The following CORO7 variants were observed in gnomAD, a reference collection of about 807,000 sequenced individuals.
CORO7 encodes the protein coronin-7.
Under a neutral mutation model 126.6 loss-of-function variants are expected in CORO7, and 107 were observed. That is an observed-to-expected ratio of 0.85 (90% CI 0.72 to 0.99). The LOEUF (loss-of-function observed/expected upper bound fraction) is 0.99. CORO7 is among the 50% of genes least tolerant of loss of function. The pLI is 0.00. For synonymous variants in CORO7, 603 were observed against 536.8 expected (o/e 1.12, Z -1.70); for missense variants, 1,314 against 1,255.8 (o/e 1.05, Z -0.70).
chr16:4,372,364 T>G (rs1044957318), intron 9 of CORO7, among the ~76,000 whole-genome samples: 8 of 152,214 alleles, frequency 5.3e-5, no homozygotes, highest in Non-Finnish European at 7.3e-5. Context: ...CAGGCTTGGG[T>G]CACTTTTCCC....
rs754972426 is a variant in CORO7, at chr16:4,381,818, G to A, written c.785+6168C>T. 58 of 1,600,572 alleles carry A rather than the reference G, an allele frequency of 3.6e-5. No individual in the cohort carries two copies. Among genetic ancestry groups the A allele is most frequent in the Middle Eastern group, 1.6e-4 (1 of 6,084 alleles). On this transcript the variant is annotated intron_variant, in intron 9 of 27. Coordinates refer to ENST00000251166, the MANE Select transcript of CORO7 (RefSeq NM_024535.5). Reference sequence around the variant, plus strand: ...CTGAGCTGGTTTGGCCCCTGGGTGCGCGAGAGCCACGTCACACTGGCCAGC... The same window carrying A: ...CTGAGCTGGTTTGGCCCCTGGGTGCACGAGAGCCACGTCACACTGGCCAGC...
chr16:4,400,797 C>CAATAATAATAAT (rs373023916), intron 6 of CORO7, among the ~76,000 whole-genome samples: 21,408 of 139,080 alleles, frequency 0.15, 1,759 homozygotes, highest in Admixed American at 0.17. Context: ...TCCAGCAGTG[C>CAATAATAATAAT]AATAATAATA....
At chr16:4,375,184 C>G (rs1372762015) in intron 9 of CORO7, among the ~76,000 whole-genome samples, 1 of 152,182 alleles carries the variant, frequency 6.6e-6, no homozygotes, top group Admixed American at 6.5e-5. Flanking sequence ...TCTCCCTGCC[C>G]TGGGCTAACA....
intron 6 of CORO7, among the ~76,000 whole-genome samples, chr16:4,396,872 CG>C (rs1360230147): frequency 1.3e-5 from 2 of 151,666 alleles, no homozygotes; most frequent in Non-Finnish European, 2.9e-5. Context: ...AAAAATTAGC[CG>C]GGCATGGTGG....
chr16:4,359,795 T>C (rs1209701825), intron 21 of CORO7, among the ~76,000 whole-genome samples, 174 bp from the exon 22 acceptor site: 1 of 151,682 alleles, frequency 6.6e-6, no homozygotes, highest in Non-Finnish European at 1.5e-5. Context: ...CCCCATTGAC[T>C]CTTTCTCCTC....
intron 9 of CORO7, among the ~76,000 whole-genome samples, chr16:4,377,643 C>T (rs944169266): frequency 9.2e-5 from 14 of 152,210 alleles, no homozygotes; most frequent in African/African-American, 2.7e-4. Flanking sequence ...AGCCTTCCCT[C>T]GCTGGGTTCC....
rs1027885261 is a variant in CORO7, at chr16:4,362,138, A to C, written c.1425T>G (p.His475Gln). The C allele has an allele frequency of 6.2e-7, 1 of 1,607,896 alleles. No homozygotes were observed. Among genetic ancestry groups the C allele is most frequent in the Admixed American group, 1.7e-5 (1 of 58,172 alleles). ...CTCGGTGCAGGACAGTGCCCTGAGCATGGCGGAACTTGGAACTGGGGCCTG... is the reference window on the plus strand; with the variant it reads ...CTCGGTGCAGGACAGTGCCCTGAGCCTGGCGGAACTTGGAACTGGGGCCTG... The part of the protein sequence containing the change: ...SLLGPSSKFR[H>Q]AQGTVLHRDS... Residue 475 changes from histidine to glutamine, a missense_variant, in exon 16 of 28, where the codon CAT becomes CAG. Transcript: ENST00000251166. This position sits in a 1 kb window ranked among gnomAD's most constrained non-coding sequence, Gnocchi z 5.3.
At chr16:4,401,713 G>A (rs1479028067) in intron 6 of CORO7, among the ~76,000 whole-genome samples, 3 of 152,108 alleles carry the variant, frequency 2.0e-5, no homozygotes, top group Non-Finnish European at 4.4e-5. Context: ...GGGGACAGCA[G>A]GAGACAGGCA....
intron 3 of CORO7, 60 bp downstream of exon 3, chr16:4,412,296 T>C (rs1483066264): frequency 1.3e-6 from 2 of 1,585,286 alleles, no homozygotes; most frequent in Admixed American, 1.7e-5. Flanking sequence ...GATGAATTTC[T>C]GGCCCTGGAG....
chr16:4,369,045 C>G (rs2054435584), intron 9 of CORO7, among the ~76,000 whole-genome samples: 2 of 152,228 alleles, frequency 1.3e-5, no homozygotes, highest in Non-Finnish European at 2.9e-5. Context: ...CCTGAGGAGG[C>G]CTGGTGCTCA....
chr16:4,356,925 G>T, intron 26 of CORO7: 1 of 576,740 alleles, frequency 1.7e-6, no homozygotes, highest in Non-Finnish European at 3.1e-6. Context: ...CTTGGGCCCA[G>T]AACTGCCGGC....
At chr16:4,402,927 C>T (rs1321231270) in intron 6 of CORO7, among the ~76,000 whole-genome samples, 1 of 151,900 alleles carries the variant, frequency 6.6e-6, no homozygotes, top group Admixed American at 6.6e-5. Flanking sequence ...CAGGAGGGGG[C>T]TTTGGTGGTC....
chr16:4,356,833 G>A (rs1231610751), intron 26 of CORO7: 21 of 320,874 alleles, frequency 6.5e-5, no homozygotes, highest in South Asian at 2.7e-4. Flanking sequence ...GAGAGGCTGC[G>A]GCATGTGGCA....
At chr16:4,379,456 C>A (rs892624601) in intron 9 of CORO7, among the ~76,000 whole-genome samples, 1 of 152,032 alleles carries the variant, frequency 6.6e-6, no homozygotes, top group Non-Finnish European at 1.5e-5. Context: ...AGCCCCCGCC[C>A]CCAGGGCCAT....
At chr16:4,402,454 C>T (rs941521978) in intron 6 of CORO7, among the ~76,000 whole-genome samples, 1 of 151,622 alleles carries the variant, frequency 6.6e-6, no homozygotes, top group African/African-American at 2.4e-5. Flanking sequence ...ACCATGTTGC[C>T]CGGGCTGATC....
At position 4,355,089 on chromosome 16, in the gene CORO7, G is replaced by A. The variant is rs1352322770; in HGVS notation, c.*69C>T. The A allele has an allele frequency of 2.8e-6, 4 of 1,430,634 alleles. No homozygotes were observed. The South Asian group carries it at 6.1e-5, about 22-fold the overall frequency. The allele number at this position is 1,430,634 out of a possible 1,614,324, so 88.6% of individuals were successfully genotyped here. On this transcript the variant is annotated 3_prime_UTR_variant, in exon 28 of 28. Coordinates refer to ENST00000251166, the MANE Select transcript of CORO7 (RefSeq NM_024535.5). The stretch of plus-strand genomic sequence containing the variant: ...GGGCCAGAGAGGTATCTTCCAGCTT[G>A]AGGATGAGCCGTGAGGTGTGCACTA...
chr16:4,361,334 T>C, intron 17 of CORO7, 27 bp downstream of exon 17: 12 of 1,611,216 alleles, frequency 7.4e-6, no homozygotes, highest in Non-Finnish European at 1.0e-5. Flanking sequence ...GGACCCTCCC[T>C]CAAGCCCAGG....
chr16:4,379,957 C>T (rs1215211605), intron 9 of CORO7, among the ~76,000 whole-genome samples: 1 of 149,528 alleles, frequency 6.7e-6, no homozygotes, highest in South Asian at 2.1e-4. Context: ...ACATGGGAGG[C>T]TGAGGCAGGA....
At chr16:4,390,756 G>A (rs2055358890) in intron 7 of CORO7, among the ~76,000 whole-genome samples, 1 of 152,228 alleles carries the variant, frequency 6.6e-6, no homozygotes, top group Non-Finnish European at 1.5e-5. Flanking sequence ...AAGCCATGGT[G>A]CAAAGTGGCT....
Sources: gnomAD v4.1 joint callset for allele counts (sites outside exome capture counted in the v4.1 genomes callset) on GRCh38, gnomAD v4.1.1 for gene constraint, Gnocchi (gnomAD v3.1) non-coding constraint, MANE v1.5 for transcripts, NCBI Gene and HGNC (gene_info 2026-07-23, HGNC 2026-07-21) for gene names.